Variants in MACROD2 observed in about 807,000 individuals in gnomAD.
The protein encoded by MACROD2 is mono-ADP ribosylhydrolase 2.
MACROD2 carries 36 observed loss-of-function variants against 70.4 expected under a neutral mutation model. The observed-to-expected ratio is 0.51, with a 90% confidence interval of 0.39 to 0.68. The LOEUF is 0.68. Ranked by LOEUF, MACROD2 falls within the 30% of genes least tolerant of loss-of-function variation. MACROD2 has a pLI of 0.00. For missense variants in MACROD2, 496 were observed against 538.4 expected, an observed-to-expected ratio of 0.92 and a Z score of 0.78; for synonymous variants, 172 against 178.8, an observed-to-expected ratio of 0.96 and a Z score of 0.30.
At chr20:15,285,888 G>C (rs2077486490) in intron 6 of MACROD2, among the ~76,000 whole-genome samples, 1 of 149,740 alleles carries the variant, frequency 6.7e-6, no homozygotes, top group Admixed American at 6.7e-5. Flanking sequence ...CCATTTTTTG[G>C]GGGGGTTGCA....
intron 5 of MACROD2, among the ~76,000 whole-genome samples, chr20:14,760,953 G>A (rs891558703): frequency 5.9e-5 from 9 of 152,050 alleles, no homozygotes; most frequent in Non-Finnish European, 1.0e-4. Context: ...CTCTGTTCTT[G>A]TTCTCTTTGA....
At chr20:15,325,806 T>C (rs1165403670) in intron 6 of MACROD2, among the ~76,000 whole-genome samples, 1 of 152,158 alleles carries the variant, frequency 6.6e-6, no homozygotes, top group African/African-American at 2.4e-5. Context: ...TTTTGGAAGA[T>C]GGTTGCAGGG....
At chr20:14,807,459 G>T (rs1473425129) in intron 5 of MACROD2, among the ~76,000 whole-genome samples, 2 of 152,058 alleles carry the variant, frequency 1.3e-5, no homozygotes, top group East Asian at 3.9e-4. Flanking sequence ...AAAGGCCAAA[G>T]GTAGATAAAC....
intron 8 of MACROD2, among the ~76,000 whole-genome samples, chr20:15,782,716 G>GTAAA (rs1886073279): frequency 2.8e-5 from 1 of 35,970 alleles, no homozygotes; most frequent in Non-Finnish European, 4.9e-5. Flanking sequence ...TAGAGAAATG[G>GTAAA]CAAAAAAAAA....
intron 5 of MACROD2, among the ~76,000 whole-genome samples, chr20:14,786,566 A>T (rs1600662974): frequency 6.6e-6 from 1 of 151,982 alleles, no homozygotes; most frequent in Admixed American, 6.6e-5. Flanking sequence ...GAAAAGAAAA[A>T]AAAAAAGAGA....
chr20:15,411,658 T>C (rs1207223099), intron 6 of MACROD2, among the ~76,000 whole-genome samples: 1 of 152,236 alleles, frequency 6.6e-6, no homozygotes, highest in Admixed American at 6.5e-5. Context: ...TAGTACATAA[T>C]GCTATATCTA....
intron 5 of MACROD2, among the ~76,000 whole-genome samples, chr20:14,716,847 C>A (rs1267954011): frequency 6.6e-6 from 1 of 152,044 alleles, no homozygotes; most frequent in African/African-American, 2.4e-5. Flanking sequence ...TGCAAATGTT[C>A]CATTATTTTT....
chr20:15,465,798 G>A (rs1323490204), intron 7 of MACROD2, among the ~76,000 whole-genome samples: 1 of 152,168 alleles, frequency 6.6e-6, no homozygotes, highest in Admixed American at 6.5e-5. Flanking sequence ...GTGCTCCCAT[G>A]TGCCCACCTT....
intron 5 of MACROD2, among the ~76,000 whole-genome samples, chr20:14,919,975 T>C (rs866550646): frequency 3.9e-5 from 6 of 152,112 alleles, no homozygotes; most frequent in African/African-American, 1.4e-4. Flanking sequence ...TGAATCTAGC[T>C]CCTCCCACCC....
chr20:15,262,675 G>C (rs6079720), intron 6 of MACROD2, among the ~76,000 whole-genome samples: 1 of 151,986 alleles, frequency 6.6e-6, no homozygotes, highest in Non-Finnish European at 1.5e-5. Context: ...CAGTGTACAA[G>C]GACTCCCTTT....
intron 8 of MACROD2, among the ~76,000 whole-genome samples, chr20:15,672,895 G>C (rs778959731): frequency 1.3e-5 from 2 of 152,244 alleles, no homozygotes. Flanking sequence ...TTGCCATGCT[G>C]TTCTTGTGAC....
chr20:16,045,647 TA>T (rs1438218854), intron 17 of MACROD2, among the ~76,000 whole-genome samples: 3 of 152,046 alleles, frequency 2.0e-5, no homozygotes, highest in African/African-American at 4.8e-5. Flanking sequence ...ATCTTTAACA[TA>T]ATGTTGTTAC....
At chr20:14,292,277 A>G (rs987618456) in intron 3 of MACROD2, among the ~76,000 whole-genome samples, 15 of 151,824 alleles carry the variant, frequency 9.9e-5, no homozygotes, top group African/African-American at 3.2e-4. Context: ...CCTGGGGGTA[A>G]TTTTGTCCTT....
At chr20:14,644,324 T>C (rs1985257557) in intron 4 of MACROD2, among the ~76,000 whole-genome samples, 1 of 152,190 alleles carries the variant, frequency 6.6e-6, no homozygotes, top group Non-Finnish European at 1.5e-5. Flanking sequence ...ATCAAAAATG[T>C]GAGTGCCAAT....
At chr20:14,127,832 A>G (rs1037240643) in intron 3 of MACROD2, 39 of 464,208 alleles carry the variant, frequency 8.4e-5, no homozygotes, top group Admixed American at 6.4e-4. Context: ...AAAAACAGCA[A>G]TCAATAGCAG....
intron 8 of MACROD2, among the ~76,000 whole-genome samples, chr20:15,670,364 G>A (rs1193715230): frequency 6.6e-6 from 1 of 152,134 alleles, no homozygotes; most frequent in African/African-American, 2.4e-5. Context: ...TCCTGTTTCT[G>A]CTCAGTTGCC....
At chr20:15,644,626 G>A (rs2049513139) in intron 8 of MACROD2, among the ~76,000 whole-genome samples, 1 of 152,198 alleles carries the variant, frequency 6.6e-6, no homozygotes, top group South Asian at 2.1e-4. Flanking sequence ...GCAGCTAAAT[G>A]AGGTTAAGTA....
At chr20:15,395,061 G>T (rs1466100912) in intron 6 of MACROD2, among the ~76,000 whole-genome samples, 1 of 152,126 alleles carries the variant, frequency 6.6e-6, no homozygotes, top group African/African-American at 2.4e-5. Flanking sequence ...CTTTGGATGG[G>T]CAATGAAGAA....
intron 8 of MACROD2, among the ~76,000 whole-genome samples, chr20:15,675,813 T>A (rs2050049386): frequency 6.6e-6 from 1 of 152,180 alleles, no homozygotes; most frequent in African/African-American, 2.4e-5. Flanking sequence ...CTTTGTTACA[T>A]AACCTTCAGG....
Sources: allele counts gnomAD v4.1 joint callset (sites outside exome capture counted in the v4.1 genomes callset), GRCh38; gene constraint gnomAD v4.1.1; transcripts MANE v1.5; gene names NCBI Gene and HGNC (gene_info 2026-07-23, HGNC 2026-07-21).